BCKDHB: variants seen among roughly 807,000 people sequenced by gnomAD.
BCKDHB encodes branched chain keto acid dehydrogenase E1 subunit beta, also known as 2-oxoisovalerate dehydrogenase subunit beta, mitochondrial.
A neutral mutation model predicts 48.5 loss-of-function variants in BCKDHB; 41 were observed. The observed-to-expected ratio is 0.85, with a 90% CI of 0.66 to 1.10. The LOEUF (loss-of-function observed/expected upper bound fraction) is 1.10. Among genes scored for constraint, BCKDHB ranks in the 50% least tolerant of loss-of-function variants. BCKDHB has a pLI of 0.00. For missense variants in BCKDHB, 496 were observed against 494.2 expected (o/e 1.00, Z -0.03); for synonymous variants, 201 against 174.8 (o/e 1.15, Z -1.18).
chr6:80,183,416 AT>A (rs1432844138), intron 6 of BCKDHB, among the ~76,000 whole-genome samples: 2 of 152,146 alleles, frequency 1.3e-5, no homozygotes, highest in Non-Finnish European at 2.9e-5. Context: ...GTGTATCAGA[AT>A]TTGCCGTTTT....
At chr6:80,433,002 G>A in the BCKDHB span, among the ~76,000 whole-genome samples, 2 of 152,182 alleles carry the variant, frequency 1.3e-5, no homozygotes, top group African/African-American at 4.8e-5. Context: ...CTGCAGAACA[G>A]CAAAGATTGC....
rs143747313 is a variant in BCKDHB at position 80,171,984 on chromosome 6, A to T, written c.742+594A>T. Among the ~76,000 whole-genome samples, 265 of 152,270 alleles carry T rather than the reference A, an allele frequency of 1.7e-3. 1 individual carries two copies. The highest frequency in any genetic ancestry group is 6.0e-3 in the African/African-American group (251 of 41,566). ...ATTTTTTTCTGTCTAAAGCATTTTA[A>T]TCACTCCTGGAAGCTTCTTCCTCAC... On this transcript the variant is annotated intron_variant, in intron 6 of 9. Coordinates refer to ENST00000320393, the MANE Select transcript of BCKDHB (RefSeq NM_183050.4).
chr6:80,403,750 C>T, the BCKDHB span, among the ~76,000 whole-genome samples: 1 of 152,000 alleles, frequency 6.6e-6, no homozygotes, highest in African/African-American at 2.4e-5. Context: ...GAGGCACATT[C>T]TTTCTATATC....
chr6:80,190,809 C>T (rs1034486216), intron 6 of BCKDHB, among the ~76,000 whole-genome samples: 15 of 152,114 alleles, frequency 9.9e-5, no homozygotes. Context: ...TTCCTCACCC[C>T]TTTGCTAGCT....
At chr6:80,421,700 C>T in the BCKDHB span, among the ~76,000 whole-genome samples, 1 of 152,082 alleles carries the variant, frequency 6.6e-6, no homozygotes, top group Non-Finnish European at 1.5e-5. Context: ...TTTGCTCCTG[C>T]CCTAGAGATC....
At chr6:80,142,704 T>G (rs1187402094) in intron 3 of BCKDHB, among the ~76,000 whole-genome samples, 1 of 152,096 alleles carries the variant, frequency 6.6e-6, no homozygotes, top group East Asian at 1.9e-4. Flanking sequence ...TTTGCTTTTG[T>G]GTTTCTTTGA....
intron 3 of BCKDHB, among the ~76,000 whole-genome samples, chr6:80,142,520 A>T (rs1267834620): frequency 2.0e-5 from 3 of 152,090 alleles, no homozygotes; most frequent in African/African-American, 4.8e-5. Flanking sequence ...AGGCCATAGG[A>T]GTCCCTTTGG....
At chr6:80,257,754 G>C (rs934206051) in intron 8 of BCKDHB, among the ~76,000 whole-genome samples, 1 of 152,058 alleles carries the variant, frequency 6.6e-6, no homozygotes, top group African/African-American at 2.4e-5. Flanking sequence ...GGCGGTTCTG[G>C]TGTAAGTCCC....
At chr6:80,392,891 A>C in the BCKDHB span, among the ~76,000 whole-genome samples, 2 of 125,978 alleles carry the variant, frequency 1.6e-5, no homozygotes, top group Non-Finnish European at 3.2e-5. Flanking sequence ...TTGGCTAATT[A>C]CCTACTTAGT....
chr6:80,448,518 G>A, the BCKDHB span, among the ~76,000 whole-genome samples: 2 of 152,094 alleles, frequency 1.3e-5, no homozygotes, highest in African/African-American at 4.8e-5. Flanking sequence ...AGAGCAAATT[G>A]GAAGGATCCA....
At chr6:80,458,797 G>A in the BCKDHB span, among the ~76,000 whole-genome samples, 2 of 152,014 alleles carry the variant, frequency 1.3e-5, no homozygotes, top group Non-Finnish European at 2.9e-5. Flanking sequence ...TTCTAATGTT[G>A]ACCTGAATTT....
chr6:80,329,843 G>C (rs1769231218), intron 9 of BCKDHB, among the ~76,000 whole-genome samples: 1 of 152,084 alleles, frequency 6.6e-6, no homozygotes. Flanking sequence ...CTCTATCACA[G>C]ACCCCTTACT....
intron 9 of BCKDHB, among the ~76,000 whole-genome samples, chr6:80,285,803 T>C (rs1766599092): frequency 6.6e-6 from 1 of 152,090 alleles, no homozygotes; most frequent in African/African-American, 2.4e-5. Context: ...GGGAATGAGG[T>C]TTGATGTAGG....
chr6:80,266,515 T>C (rs1476700248), intron 8 of BCKDHB, among the ~76,000 whole-genome samples: 2 of 152,126 alleles, frequency 1.3e-5, no homozygotes, highest in African/African-American at 4.8e-5. Context: ...TGTGACCTTT[T>C]TTCAGTAGGA....
the BCKDHB span, among the ~76,000 whole-genome samples, chr6:80,403,820 A>G: frequency 6.6e-6 from 1 of 151,978 alleles, no homozygotes; most frequent in Non-Finnish European, 1.5e-5. Context: ...CCTTTTCTGC[A>G]TATATTAAGA....
chr6:80,219,717 G>T (rs528003749), intron 8 of BCKDHB, among the ~76,000 whole-genome samples: 1 of 152,138 alleles, frequency 6.6e-6, no homozygotes, highest in Non-Finnish European at 1.5e-5. Context: ...GGTGCAGGAG[G>T]TTTTCTGACA....
At chr6:80,409,412 G>T in the BCKDHB span, among the ~76,000 whole-genome samples, 14 of 151,384 alleles carry the variant, frequency 9.2e-5, no homozygotes, top group Middle Eastern at 6.8e-3. Context: ...GTGCAGAGCT[G>T]AGTTCAAATC....
the BCKDHB span, among the ~76,000 whole-genome samples, chr6:80,417,442 G>A: frequency 0.014 from 2,157 of 151,722 alleles, 39 homozygotes; most frequent in South Asian, 0.058. Context: ...TATAGTGTCA[G>A]TGTGTACCTC....
intron 8 of BCKDHB, among the ~76,000 whole-genome samples, chr6:80,270,401 A>G (rs1398624949): frequency 6.6e-6 from 1 of 152,104 alleles, no homozygotes; most frequent in Non-Finnish European, 1.5e-5. Flanking sequence ...GCACATAGCA[A>G]TTTTTGTGAC....
Sources: gnomAD v4.1 joint callset for allele counts (sites outside exome capture counted in the v4.1 genomes callset) on GRCh38, gnomAD v4.1.1 for gene constraint, MANE v1.5 for transcripts, NCBI Gene and HGNC (gene_info 2026-07-23, HGNC 2026-07-21) for gene names.